Variants in FAM135B observed in about 807,000 individuals in gnomAD.
FAM135B encodes family with sequence similarity 135 member B, also known as protein FAM135B.
Under a neutral mutation model 127.7 loss-of-function variants are expected in FAM135B, and 43 were observed. That is an observed-to-expected ratio of 0.34 (90% confidence interval 0.26 to 0.43). FAM135B has a LOEUF of 0.43. FAM135B is among the 20% of genes least tolerant of loss of function. The pLI, the probability that FAM135B is intolerant of heterozygous loss-of-function variation, is 1.00. For synonymous variants in FAM135B, 670 were observed against 665.1 expected, an observed-to-expected ratio of 1.01 and a Z score of -0.11; for missense variants, 1,558 against 1,725.6, an observed-to-expected ratio of 0.90 and a Z score of 1.72.
intron 3 of FAM135B, among the ~76,000 whole-genome samples, chr8:138,274,649 T>G (rs1006771006): frequency 2.0e-5 from 3 of 152,036 alleles, no homozygotes; most frequent in Non-Finnish European, 2.9e-5. Flanking sequence ...CTATTTCACC[T>G]CTGCAGTCTC....
chr8:138,227,161 C>T (rs1819522038), intron 7 of FAM135B, among the ~76,000 whole-genome samples: 1 of 152,192 alleles, frequency 6.6e-6, no homozygotes, highest in African/African-American at 2.4e-5. Context: ...GCAGCTAATC[C>T]CTAGGATGTC....
At chr8:138,448,188 G>T (rs550766132) in intron 1 of FAM135B, among the ~76,000 whole-genome samples, 18 of 152,096 alleles carry the variant, frequency 1.2e-4, no homozygotes, top group Non-Finnish European at 1.8e-4. Flanking sequence ...GATTTTCTGG[G>T]TCAACATGCC....
At chr8:138,263,906 A>T (rs531587196) in intron 4 of FAM135B, among the ~76,000 whole-genome samples, 25 of 152,214 alleles carry the variant, frequency 1.6e-4, no homozygotes, top group Non-Finnish European at 3.4e-4. Context: ...GAGCTTGCAG[A>T]CTGGGAGAGG....
At chr8:138,388,053 A>C (rs1398530184) in intron 1 of FAM135B, among the ~76,000 whole-genome samples, 1 of 152,180 alleles carries the variant, frequency 6.6e-6, no homozygotes, top group Non-Finnish European at 1.5e-5. Context: ...TTAAAACCAC[A>C]ATGAGATACC....
At chr8:138,395,539 A>G (rs1293083851) in intron 1 of FAM135B, among the ~76,000 whole-genome samples, 3 of 152,182 alleles carry the variant, frequency 2.0e-5, no homozygotes, top group Non-Finnish European at 4.4e-5. Context: ...CTATTAGATT[A>G]CAGATTTGCA....
intron 13 of FAM135B, among the ~76,000 whole-genome samples, chr8:138,150,759 A>G (rs1818071883): frequency 6.6e-6 from 1 of 152,204 alleles, no homozygotes; most frequent in South Asian, 2.1e-4. Flanking sequence ...GTCATGGTAT[A>G]TTCATGCAAT....
At chr8:138,265,616 T>A (rs2130625960) in intron 4 of FAM135B, 87 bp downstream of exon 4, 1 of 1,479,620 alleles carries the variant, frequency 6.8e-7, no homozygotes, top group Non-Finnish European at 9.3e-7. Flanking sequence ...ACCCATACCT[T>A]CTTCTTTCAA....
intron 1 of FAM135B, among the ~76,000 whole-genome samples, chr8:138,472,230 G>A (rs947275636): frequency 4.6e-5 from 7 of 152,068 alleles, no homozygotes; most frequent in African/African-American, 1.2e-4. Context: ...ATATGTATAC[G>A]TTAATGAGCT....
rs147799019 is a variant in FAM135B at position 138,325,360 on chromosome 8, C to A, written c.78-14440G>T. On this transcript the variant is annotated intron_variant, in intron 2 of 19. Coordinates refer to ENST00000395297, the MANE Select transcript of FAM135B (RefSeq NM_015912.4). ...GGAGTATTTATAGCATGCAAATGGA[C>A]AAACATCATAAATCTTTGTTTTGAA... 4.3e-4 allele frequency among the ~76,000 whole-genome samples: 65 copies of A among 152,250 alleles called. No homozygotes were observed. The East Asian group carries it at 0.01, about 24-fold the overall frequency.
chr8:138,490,406 G>T (rs1815149916), intron 1 of FAM135B, among the ~76,000 whole-genome samples: 1 of 152,206 alleles, frequency 6.6e-6, no homozygotes, highest in Non-Finnish European at 1.5e-5. Flanking sequence ...ACAGGGACCT[G>T]CAGGGCCCAT....
intron 2 of FAM135B, among the ~76,000 whole-genome samples, chr8:138,363,875 T>A (rs1012606884): frequency 2.0e-5 from 3 of 152,148 alleles, no homozygotes; most frequent in African/African-American, 7.2e-5. Context: ...ACTATGTAAA[T>A]GAGGTGGAAC....
chr8:138,204,441 T>A (rs930540371), intron 7 of FAM135B, among the ~76,000 whole-genome samples: 3 of 152,114 alleles, frequency 2.0e-5, no homozygotes, highest in African/African-American at 7.2e-5. Context: ...ATTTTTCAGG[T>A]TGTCTTTGAA....
chr8:138,320,870 A>G (rs1236822417), intron 2 of FAM135B, among the ~76,000 whole-genome samples: 1 of 152,242 alleles, frequency 6.6e-6, no homozygotes, highest in Non-Finnish European at 1.5e-5. Context: ...AGTGATAAAG[A>G]ATCCACATGC....
At chr8:138,409,301 C>G (rs184016121) in intron 1 of FAM135B, among the ~76,000 whole-genome samples, 1 of 152,172 alleles carries the variant, frequency 6.6e-6, no homozygotes, top group African/African-American at 2.4e-5. Flanking sequence ...AGAACACACA[C>G]GACATTTATC....
chr8:138,333,392 T>C (rs1243131938), intron 2 of FAM135B, among the ~76,000 whole-genome samples: 1 of 152,206 alleles, frequency 6.6e-6, no homozygotes, highest in Non-Finnish European at 1.5e-5. Flanking sequence ...GCTGTGTTGC[T>C]GGTGTGCAAA....
At chr8:138,343,524 C>A (rs1225654172) in intron 2 of FAM135B, among the ~76,000 whole-genome samples, 1 of 152,204 alleles carries the variant, frequency 6.6e-6, no homozygotes, top group African/African-American at 2.4e-5. Context: ...ACTGTCTTCA[C>A]CTCTTACACT....
chr8:138,413,269 G>T (rs1237902202), intron 1 of FAM135B, among the ~76,000 whole-genome samples: 1 of 151,708 alleles, frequency 6.6e-6, no homozygotes, highest in Non-Finnish European at 1.5e-5. Context: ...TTCCTTATTG[G>T]TACTTTCCAG....
At chr8:138,314,693 C>CAATAAAAAAATAAATAAATA (rs1554662775) in intron 2 of FAM135B, among the ~76,000 whole-genome samples, 1 of 120,282 alleles carries the variant, frequency 8.3e-6, no homozygotes, top group Non-Finnish European at 1.7e-5. Context: ...CCCATCCCTA[C>CAATAAAAAAATAAATAAATA]AATAAATAAA....
intron 1 of FAM135B, among the ~76,000 whole-genome samples, chr8:138,395,185 T>C (rs1043248982): frequency 1.3e-5 from 2 of 152,224 alleles, no homozygotes; most frequent in African/African-American, 4.8e-5. Context: ...ACATTAATTA[T>C]ATTTAAATGT....
Sources: allele counts gnomAD v4.1 joint callset (sites outside exome capture counted in the v4.1 genomes callset), GRCh38; gene constraint gnomAD v4.1.1; transcripts MANE v1.5; gene names NCBI Gene and HGNC (gene_info 2026-07-23, HGNC 2026-07-21).